TANGO6: variants seen among roughly 807,000 people sequenced by gnomAD.
The protein encoded by TANGO6 is transport and Golgi organization protein 6 homolog.
In TANGO6, 90 loss-of-function variants were observed where a neutral mutation model predicts 114.2. That is an observed-to-expected ratio of 0.79 (90% CI 0.66 to 0.94). The LOEUF (loss-of-function observed/expected upper bound fraction) is 0.94, where lower values mean the gene tolerates loss of function less well. TANGO6 is among the 40% of genes least tolerant of loss of function. The pLI, the probability that TANGO6 is intolerant of heterozygous loss-of-function variation, is 0.00. For missense variants in TANGO6, 1,274 were observed against 1,315.3 expected (o/e 0.97, Z 0.49); for synonymous variants, 477 against 509.8 (o/e 0.94, Z 0.87).
chr16:69,051,547 G>A (rs145789749), intron 17 of TANGO6, among the ~76,000 whole-genome samples: 103 of 152,310 alleles, frequency 6.8e-4, no homozygotes, highest in African/African-American at 1.9e-3. Context: ...ACTGGGTGTG[G>A]TATTGGGTGC....
At chr16:68,972,727 C>T (rs1467630816) in intron 14 of TANGO6, among the ~76,000 whole-genome samples, 1 of 152,182 alleles carries the variant, frequency 6.6e-6, no homozygotes, top group East Asian at 1.9e-4. Context: ...AGGAAATACA[C>T]AACCTGTCAG....
At chr16:68,898,755 A>T (rs570033656) in intron 7 of TANGO6, among the ~76,000 whole-genome samples, 2 of 152,252 alleles carry the variant, frequency 1.3e-5, no homozygotes, top group African/African-American at 4.8e-5. Context: ...ACCTATTATG[A>T]TTCCCAGAAC....
At chr16:68,926,811 A>G (rs1243359434) in intron 12 of TANGO6, 2 of 152,188 alleles carry the variant, frequency 1.3e-5, no homozygotes, top group Non-Finnish European at 2.9e-5. Context: ...TAATTTCTCC[A>G]GTGTTTTCAA....
intron 7 of TANGO6, 50 bp downstream of exon 7, chr16:68,880,680 T>G (rs1192285854): frequency 1.4e-6 from 2 of 1,384,964 alleles, no homozygotes; most frequent in Non-Finnish European, 9.7e-7. Context: ...ATTTAAAATT[T>G]TTTTTAAATT....
intron 15 of TANGO6, among the ~76,000 whole-genome samples, chr16:69,001,687 C>G (rs1003967608): frequency 6.6e-6 from 1 of 152,162 alleles, no homozygotes. Context: ...ATTCTAGATT[C>G]CTAAAAAGAA....
At chr16:68,952,430 C>T (rs556166154) in intron 14 of TANGO6, among the ~76,000 whole-genome samples, 1 of 152,256 alleles carries the variant, frequency 6.6e-6, no homozygotes, top group East Asian at 1.9e-4. Context: ...GCCTATGTCA[C>T]CCTTCATCTC....
At chr16:68,897,648 G>A (rs1364499639) in intron 7 of TANGO6, among the ~76,000 whole-genome samples, 2 of 150,202 alleles carry the variant, frequency 1.3e-5, no homozygotes, top group Non-Finnish European at 3.0e-5. Context: ...GCATGATCTC[G>A]GCTCACTGCA....
chr16:68,916,576 C>A (rs1254586653), intron 11 of TANGO6, among the ~76,000 whole-genome samples: 1 of 151,698 alleles, frequency 6.6e-6, no homozygotes, highest in African/African-American at 2.4e-5. Flanking sequence ...CTCGAAGACA[C>A]TGGCTTCTAG....
In TANGO6 at chr16:68,897,962, C is replaced by T. The variant is rs76451433; in HGVS notation, c.1378-2472C>T. ...CTTGTTAAAGTTTGGGGTGCTTTGG[C>T]CCTATCAAGCCAGTAAATAATGAAG... On this transcript the variant is annotated intron_variant, in intron 7 of 17. Transcript: ENST00000261778. Among the ~76,000 whole-genome samples, 609 of 152,102 alleles carry T rather than the reference C, an allele frequency of 4.0e-3. 1 individual carries two copies. Among genetic ancestry groups the T allele is most frequent in the Non-Finnish European group, 7.2e-3 (492 of 68,000 alleles).
intron 14 of TANGO6, among the ~76,000 whole-genome samples, chr16:68,965,037 A>G (rs1272150510): frequency 1.3e-5 from 2 of 152,208 alleles, no homozygotes; most frequent in Non-Finnish European, 2.9e-5. Flanking sequence ...ACCTATTAGG[A>G]TAGATTTCTA....
chr16:68,862,012 A>AT (rs200482557), intron 2 of TANGO6, among the ~76,000 whole-genome samples: 29 of 150,800 alleles, frequency 1.9e-4, no homozygotes, highest in South Asian at 4.2e-4. Context: ...GGAGACATCT[A>AT]TTTTTTTTTA....
intron 8 of TANGO6, 58 bp downstream of exon 8, chr16:68,900,604 G>T: frequency 7.5e-7 from 1 of 1,333,874 alleles, no homozygotes; most frequent in Non-Finnish European, 1.0e-6. Flanking sequence ...TTTGCATGTT[G>T]TTTTTGTTCT....
At chr16:69,076,600 T>C (rs1388445880) in intron 17 of TANGO6, among the ~76,000 whole-genome samples, 1 of 152,184 alleles carries the variant, frequency 6.6e-6, no homozygotes, top group Non-Finnish European at 1.5e-5. Context: ...ATTGCCTTCT[T>C]TCTGTGTTCG....
At chr16:68,993,287 T>C (rs1246994793) in intron 15 of TANGO6, among the ~76,000 whole-genome samples, 1 of 152,236 alleles carries the variant, frequency 6.6e-6, no homozygotes, top group Non-Finnish European at 1.5e-5. Context: ...TTATTTTTAT[T>C]TTCAGTGTCT....
intron 15 of TANGO6, among the ~76,000 whole-genome samples, chr16:69,013,553 T>C (rs251107): frequency 1.3e-5 from 2 of 150,586 alleles, no homozygotes; most frequent in Non-Finnish European, 3.0e-5. Flanking sequence ...GGAGGTCAAG[T>C]CTGCAATAAG....
intron 4 of TANGO6, among the ~76,000 whole-genome samples, chr16:68,871,080 C>A (rs892254618): frequency 6.6e-6 from 1 of 151,940 alleles, no homozygotes; most frequent in Non-Finnish European, 1.5e-5. Context: ...TGTGAGCCAC[C>A]GCACCCGGCC....
At chr16:69,045,938 T>TGC (rs1444007314) in intron 17 of TANGO6, among the ~76,000 whole-genome samples, 1 of 142,422 alleles carries the variant, frequency 7.0e-6, no homozygotes. Context: ...GTGTCACGCA[T>TGC]CTGTAATCCC....
intron 17 of TANGO6, among the ~76,000 whole-genome samples, chr16:69,062,787 T>A (rs11645926): frequency 0.04 from 4,576 of 113,698 alleles, 261 homozygotes; most frequent in African/African-American, 0.13. Context: ...AAAAGAAATT[T>A]AAAAAAAAAA....
intron 14 of TANGO6, among the ~76,000 whole-genome samples, chr16:68,951,553 A>AATTC (rs2152205695): frequency 6.7e-6 from 1 of 150,348 alleles, no homozygotes; most frequent in African/African-American, 2.5e-5. Flanking sequence ...ATGCCTCTGT[A>AATTC]CTTCCTTCCT....
Sources: allele counts gnomAD v4.1 joint callset (sites outside exome capture counted in the v4.1 genomes callset), GRCh38; gene constraint gnomAD v4.1.1; transcripts MANE v1.5; gene names NCBI Gene and HGNC (gene_info 2026-07-23, HGNC 2026-07-21).